DENND4B: variants seen among roughly 807,000 people sequenced by gnomAD.
The protein encoded by DENND4B is DENN domain containing 4B, also known as DENN domain-containing protein 4B.
Under a neutral mutation model 161.0 loss-of-function variants are expected in DENND4B, and 67 were observed. That is an observed-to-expected ratio of 0.42 (90% confidence interval 0.34 to 0.51). The LOEUF is 0.51. Ranked by LOEUF, DENND4B falls within the 20% of genes least tolerant of loss-of-function variation. DENND4B has a pLI of 0.08. For synonymous variants in DENND4B, 753 were observed against 813.8 expected, an observed-to-expected ratio of 0.93 and a Z score of 1.27; for missense variants, 1,481 against 1,968.0, an observed-to-expected ratio of 0.75 and a Z score of 4.68.
At position 153,930,709 on chromosome 1, in the gene DENND4B, A is replaced by T. The variant is rs914742010; in HGVS notation, c.4263T>A (p.Thr1421=). 12 of 1,612,178 alleles carry T rather than the reference A, an allele frequency of 7.4e-6. 1 individual carries two copies. The highest frequency in any genetic ancestry group is 1.7e-5 in the Admixed American group (1 of 59,842). The change falls in exon 26 of 28, where the codon ACT becomes ACA. Residue 1421 remains threonine, a synonymous_variant. Transcript: ENST00000361217. This position sits in a 1 kb window ranked among gnomAD's most constrained non-coding sequence, Gnocchi z 4.7. ...LLLETLGPPP[T]GLHLQRGIYR... ...CACCATACCTCTGCAGGTGCAGGCC[A>T]GTGGGTGGGGGCCCTAGAGTTTCCA...
In DENND4B at chr1:153,930,454, G is replaced by A. The variant is rs375258202; in HGVS notation, c.4346-12C>T. Reference sequence around the variant, plus strand: ...CTTATCGAAGGCCACTAGGGAAGAAGGTGGAAGTCAACATGTTAGGACCGC... The same window carrying A: ...CTTATCGAAGGCCACTAGGGAAGAAAGTGGAAGTCAACATGTTAGGACCGC... On this transcript the variant is annotated splice_polypyrimidine_tract_variant and intron_variant, in intron 27 of 27. Transcript: ENST00000361217. This position sits in a 1 kb window ranked among gnomAD's most constrained non-coding sequence, Gnocchi z 4.7. 1.1e-5 allele frequency: 17 copies of A among 1,613,778 alleles called. No homozygotes were observed. The highest frequency in any genetic ancestry group is 1.4e-5 in the Non-Finnish European group (17 of 1,179,800).
In DENND4B at chr1:153,941,220, T is replaced by C. The variant is rs1383459868; in HGVS notation, c.1181+11A>G. 6 of 1,613,640 alleles carry C rather than the reference T, an allele frequency of 3.7e-6. No individual in the cohort carries two copies. The highest frequency in any genetic ancestry group is 5.1e-6 in the Non-Finnish European group (6 of 1,179,770). Reference sequence around the variant, plus strand: ...CATTAAAGCTCCCCTCCCCACAATCTGATCACATACCTGAGGGGCAGGGGT... The same window carrying C: ...CATTAAAGCTCCCCTCCCCACAATCCGATCACATACCTGAGGGGCAGGGGT... On this transcript the variant is annotated intron_variant, in intron 8 of 27. Coordinates refer to ENST00000361217, the MANE Select transcript of DENND4B (RefSeq NM_014856.3).
In DENND4B at chr1:153,937,201, G is replaced by A. The variant is rs144183480; in HGVS notation, c.2232+287C>T. On this transcript the variant is annotated intron_variant, in intron 15 of 27. Coordinates refer to ENST00000361217, the MANE Select transcript of DENND4B (RefSeq NM_014856.3). This position sits in a 1 kb window ranked among gnomAD's most constrained non-coding sequence, Gnocchi z 4.7. ...AGGCTGCAGCCCTGCCTGGAGCCCC[G>A]TGCAGAGAGGCTGGCCCTTGAGCAT... Among the ~76,000 whole-genome samples the A allele has an allele frequency of 1.1e-4, 17 of 152,350 alleles. No homozygotes were observed. Among genetic ancestry groups the A allele is most frequent in the African/African-American group, 2.9e-4 (12 of 41,588 alleles).
chr1:153,944,069 G>A lies in DENND4B; in HGVS notation c.306C>T (p.Leu102=), dbSNP rs749089049. ...GTAGGGGCACACACCCCAGCTCAAC[G>A]AGGGGGGGCTTGTCACGGCCCCTGC... ...CYRRGRDKPP[L]VELGVLYEGK... Residue 102 remains leucine (L), a synonymous_variant, in exon 2 of 28, where the codon CTC becomes CTT. Coordinates refer to ENST00000361217, the MANE Select transcript of DENND4B (RefSeq NM_014856.3). The surrounding 1 kb of genome is among the most constrained non-coding windows in gnomAD (Gnocchi z 4.8). The A allele has an allele frequency of 8.9e-6, 14 of 1,570,120 alleles. No individual in the cohort carries two copies. The highest frequency in any genetic ancestry group is 3.4e-4 in the Middle Eastern group (2 of 5,856).
intron 13 of DENND4B, 40 bp downstream of exon 13, chr1:153,938,860 G>C (rs1237974893): frequency 6.4e-7 from 1 of 1,557,248 alleles, no homozygotes; most frequent in African/African-American, 1.4e-5. Context: ...CAATGAGGGA[G>C]ACAGCAGAGG....
At chr1:153,943,978 G>T (rs995967219) in intron 2 of DENND4B, 80 bp downstream of exon 2, 1 of 1,427,790 alleles carries the variant, frequency 7.0e-7, no homozygotes, top group Admixed American at 2.9e-5. Flanking sequence ...CCCTTCCCTT[G>T]TTCCATAGTC....
At position 153,930,968 on chromosome 1, in the gene DENND4B, A is replaced by G; in HGVS notation, c.4093T>C (p.Tyr1365His). The change falls in exon 25 of 28, where the codon TAT (tyrosine) becomes CAT (histidine). Residue 1365 changes from tyrosine (Y) to histidine (H), a missense_variant. Coordinates refer to ENST00000361217, the MANE Select transcript of DENND4B (RefSeq NM_014856.3). The surrounding 1 kb of genome is among the most constrained non-coding windows in gnomAD (Gnocchi z 4.7). ...TCACTGTGGACCCTCCAGAGCACAT[A>G]GAGAGGTGGGCAGCTATTGGGGTCA... ...TPDPNSCPPL[Y>H]VLWRVHSQIP... The G allele has an allele frequency of 6.2e-7, 1 of 1,612,650 alleles. No individual in the cohort carries two copies. Among genetic ancestry groups the G allele is most frequent in the Non-Finnish European group, 8.5e-7 (1 of 1,179,424 alleles).
At position 153,938,934 on chromosome 1, in the gene DENND4B, G is replaced by A; in HGVS notation, c.1931C>T (p.Ala644Val). The change falls in exon 13 of 28, where the codon GCT (alanine) becomes GTT (valine). Residue 644 changes from alanine to valine, a missense_variant. This residue lies in a region of DENND4B where 806 missense variants were observed against 1,134.4 expected (regional missense o/e 0.71). Transcript: ENST00000361217. ...ACAAGAGTCAAAGAATTCAAGGGCA[G>A]CATGGCGAGCAGAGCCAAAAGAGCA... ...EECSFGSARH[A>V]ALEFFDSCVE... 1 of 1,601,540 alleles carries A rather than the reference G, an allele frequency of 6.2e-7. No homozygotes were observed.
In DENND4B at chr1:153,943,103, G is replaced by C; in HGVS notation, c.345C>G (p.Pro115=). The change falls in exon 3 of 28, where the codon CCC becomes CCG. Residue 115 remains proline, a synonymous_variant. Coordinates refer to ENST00000361217, the MANE Select transcript of DENND4B (RefSeq NM_014856.3). The part of the protein sequence containing the change: ...LGVLYEGKER[P]KPGFQVLDTT... ...TGTCAAGCACTTGGAAGCCAGGCTT[G>C]GGACGTTCCTTCCCCTCATACAACA... 1 of 1,613,758 alleles carries C rather than the reference G, an allele frequency of 6.2e-7. No individual in the cohort carries two copies. The highest frequency in any genetic ancestry group is 2.2e-5 in the East Asian group (1 of 44,874).
chr1:153,939,098 A>G, intron 12 of DENND4B, 53 bp from the exon 13 acceptor site: 1 of 1,588,552 alleles, frequency 6.3e-7, no homozygotes, highest in Non-Finnish European at 8.6e-7. Context: ...GCTCTCCACC[A>G]CAGCCATAGC....
chr1:153,942,141 C>G lies in DENND4B; in HGVS notation c.811-28G>C. 1.2e-6 allele frequency: 2 copies of G among 1,613,950 alleles called. No individual in the cohort carries two copies. The highest frequency in any genetic ancestry group is 1.7e-6 in the Non-Finnish European group (2 of 1,179,882). ...GGCAGGGGGCAGAAGGGTAGTCAGG[C>G]AGGCCCTGCATAGCCTGGACCCCTT... On this transcript the variant is annotated intron_variant, in intron 5 of 27. Transcript: ENST00000361217. The surrounding 1 kb of genome is among the most constrained non-coding windows in gnomAD (Gnocchi z 6.9).
intron 2 of DENND4B, among the ~76,000 whole-genome samples, chr1:153,943,678 T>TAAA (rs11330733): frequency 4.7e-4 from 43 of 92,376 alleles, no homozygotes; most frequent in African/African-American, 1.1e-3. Context: ...ACTCTGTCTA[T>TAAA]AAAAAAAAAA....
At position 153,932,981 on chromosome 1, in the gene DENND4B, T is replaced by C. The variant is rs1272088197; in HGVS notation, c.3503A>G (p.Tyr1168Cys). Residue 1168 changes from tyrosine to cysteine, a missense_variant, in exon 22 of 28, where the codon TAT (tyrosine) becomes TGT (cysteine). Physicochemically the swap from Tyr to Cys is radical, Grantham distance 194. Transcript: ENST00000361217. This position sits in a 1 kb window ranked among gnomAD's most constrained non-coding sequence, Gnocchi z 5.8. ...SLCRACDSLV[Y>C]DEEIMAGWAP... ...CCAGCCAGCCATGATTTCCTCATCA[T>C]ACACCAGCGAATCACAGGCACGGCA... 6 of 1,613,860 alleles carry C rather than the reference T, an allele frequency of 3.7e-6. No individual in the cohort carries two copies. Among genetic ancestry groups the C allele is most frequent in the Admixed American group, 1.7e-5 (1 of 60,006 alleles).
rs996002481 is a variant in DENND4B at position 153,936,358 on chromosome 1, C to T, written c.2440-170G>A. Among the ~76,000 whole-genome samples, 24 of 152,240 alleles carry T rather than the reference C, an allele frequency of 1.6e-4. 1 individual carries two copies. Among genetic ancestry groups the T allele is most frequent in the Admixed American group, 1.6e-3 (24 of 15,286 alleles). On this transcript the variant is annotated intron_variant, in intron 16 of 27. Transcript: ENST00000361217. The surrounding 1 kb of genome is among the most constrained non-coding windows in gnomAD (Gnocchi z 4.1). The stretch of plus-strand genomic sequence containing the variant: ...CCTTTCTGCTGACCCTGCCACCCTA[C>T]AGTCTTCACTGCTAAACCCTGAACA...
chr1:153,941,775 G>GGGGGCCCCCCCCCC, intron 6 of DENND4B, 94 bp downstream of exon 6: 1 of 1,338,174 alleles, frequency 7.5e-7, no homozygotes, highest in Non-Finnish European at 1.0e-6. Context: ...CCTGTGCCCA[G>GGGGGCCCCCCCCCC]CCCTCCCCCC....
In DENND4B at chr1:153,939,815, G is replaced by A. The variant is rs1185086147; in HGVS notation, c.1604-11C>T. Reference sequence around the variant, plus strand: ...CAGGTCCAGTGTATGCTGGAGGCCAGGGCAGCCTAAGAGTCAGGGCTGGCT... The same window carrying A: ...CAGGTCCAGTGTATGCTGGAGGCCAAGGCAGCCTAAGAGTCAGGGCTGGCT... On this transcript the variant is annotated splice_polypyrimidine_tract_variant and intron_variant, in intron 11 of 27. Transcript: ENST00000361217. The A allele has an allele frequency of 1.2e-6, 2 of 1,612,784 alleles. No homozygotes were observed. The highest frequency in any genetic ancestry group is 1.7e-5 in the Admixed American group (1 of 59,948).
rs1279113463 is a variant in DENND4B at position 153,930,443 on chromosome 1, C to T, written c.4346-1G>A. Reference sequence around the variant, plus strand: ...GACTTGTACTTCTTATCGAAGGCCACTAGGGAAGAAGGTGGAAGTCAACAT... The same window carrying T: ...GACTTGTACTTCTTATCGAAGGCCATTAGGGAAGAAGGTGGAAGTCAACAT... On this transcript the variant is annotated splice_acceptor_variant, in intron 27 of 27. Transcript: ENST00000361217. LOFTEE classifies it high-confidence loss of function. The surrounding 1 kb of genome is among the most constrained non-coding windows in gnomAD (Gnocchi z 4.7). 6.2e-7 allele frequency: 1 copy of T among 1,613,914 alleles called. No individual in the cohort carries two copies. The highest frequency in any genetic ancestry group is 2.2e-5 in the East Asian group (1 of 44,874).
At position 153,946,522 on chromosome 1, in the gene DENND4B, T is replaced by TGCGCC. The variant is rs1679983639; in HGVS notation, c.-250_-246dup. The stretch of plus-strand genomic sequence containing the variant: ...GGCGGTCCCCGCGTCCCCGCCGCGC[T>TGCGCC]GCGCCACGCGGGGACTGTGCTGCCG... On this transcript the variant is annotated 5_prime_UTR_variant, in exon 1 of 28. Transcript: ENST00000361217. The surrounding 1 kb of genome is among the most constrained non-coding windows in gnomAD (Gnocchi z 6.3). 1 of 390,022 alleles carries TGCGCC rather than the reference T, an allele frequency of 2.6e-6. No individual in the cohort carries two copies. The highest frequency in any genetic ancestry group is 4.5e-6 in the Non-Finnish European group (1 of 220,392). 24.2% of individuals were successfully genotyped at this position (390,022 alleles called of 1,614,324 possible).
intron 24 of DENND4B, among the ~76,000 whole-genome samples, chr1:153,931,703 A>G (rs1342561837): frequency 2.0e-5 from 3 of 151,408 alleles, no homozygotes; most frequent in Admixed American, 6.6e-5. Context: ...TCACCGTGTT[A>G]GCCACGATGG....
Sources: gnomAD v4.1 joint callset for allele counts (sites outside exome capture counted in the v4.1 genomes callset) on GRCh38, gnomAD v4.1.1 for gene constraint, gnomAD v4.1.1 regional missense constraint, Gnocchi (gnomAD v3.1) non-coding constraint, MANE v1.5 for transcripts, NCBI Gene and HGNC (gene_info 2026-07-23, HGNC 2026-07-21) for gene names.